The following PDE4D variants were observed in gnomAD, a reference collection of about 807,000 sequenced individuals.
PDE4D encodes the protein 3',5'-cyclic-AMP phosphodiesterase 4D.
In PDE4D, 24 loss-of-function variants were observed where a neutral mutation model predicts 87.4. The ratio of observed to expected loss-of-function variants is 0.27; its 90% CI spans 0.20 to 0.39. The LOEUF is 0.39. Among genes scored for constraint, PDE4D ranks in the 10% least tolerant of loss-of-function variants. The pLI, the probability that PDE4D is intolerant of heterozygous loss-of-function variation, is 1.00. For synonymous variants in PDE4D, 384 were observed against 383.2 expected, an observed-to-expected ratio of 1.00 and a Z score of -0.02; for missense variants, 714 against 1,041.0, an observed-to-expected ratio of 0.69 and a Z score of 4.32.
chr5:59,027,901 G>A (rs184046059), intron 6 of PDE4D, among the ~76,000 whole-genome samples: 9 of 151,728 alleles, frequency 5.9e-5, no homozygotes, highest in East Asian at 1.9e-4. Flanking sequence ...AGACCCTCTC[G>A]GCTGATAGAG....
chr5:59,875,165 CA>C (rs897215395), intron 1 of PDE4D, among the ~76,000 whole-genome samples: 1 of 151,994 alleles, frequency 6.6e-6, no homozygotes, highest in Non-Finnish European at 1.5e-5. Context: ...CAAATGAACA[CA>C]AGAAGGAATC....
At chr5:60,499,881 G>A (rs1749988998) in intron 1 of PDE4D, among the ~76,000 whole-genome samples, 1 of 152,104 alleles carries the variant, frequency 6.6e-6, no homozygotes, top group African/African-American at 2.4e-5. Context: ...TAGCCCTCTT[G>A]GCTTCAGAGG....
chr5:60,229,324 C>T (rs1745532213), intron 1 of PDE4D, among the ~76,000 whole-genome samples: 3 of 152,048 alleles, frequency 2.0e-5, no homozygotes, highest in South Asian at 2.1e-4. Flanking sequence ...CATTTTAAAA[C>T]GACAACCACA....
At chr5:59,073,507 C>CGGGGGGG (rs56301552) in intron 5 of PDE4D, among the ~76,000 whole-genome samples, 5 of 38,146 alleles carry the variant, frequency 1.3e-4, no homozygotes, top group African/African-American at 1.3e-4. Context: ...AAGTGGGGGG[C>CGGGGGGG]GGGGGGGGCG....
chr5:60,079,608 CCCA>C (rs1773708677), intron 2 of PDE4D, among the ~76,000 whole-genome samples: 1 of 152,172 alleles, frequency 6.6e-6, no homozygotes, highest in South Asian at 2.1e-4. Context: ...AGCCAGTTCT[CCCA>C]CCACCATTTA....
chr5:60,250,035 T>C (rs988823156), intron 1 of PDE4D, among the ~76,000 whole-genome samples: 1 of 152,004 alleles, frequency 6.6e-6, no homozygotes, highest in South Asian at 2.1e-4. Context: ...TCAAGGTTTC[T>C]CACAGTGCTT....
chr5:59,833,543 C>G (rs1485149850), intron 1 of PDE4D, among the ~76,000 whole-genome samples: 1 of 151,898 alleles, frequency 6.6e-6, no homozygotes, highest in Admixed American at 6.6e-5. Flanking sequence ...TTCTGAGAAG[C>G]CATTGGGTTT....
intron 1 of PDE4D, among the ~76,000 whole-genome samples, chr5:59,579,379 T>C (rs2153699293): frequency 6.6e-6 from 1 of 152,298 alleles, no homozygotes; most frequent in African/African-American, 2.4e-5. Flanking sequence ...CATTTTTCAG[T>C]AACTCAGAAA....
intron 2 of PDE4D, among the ~76,000 whole-genome samples, chr5:60,084,970 T>C (rs1774377711): frequency 1.3e-5 from 2 of 152,172 alleles, no homozygotes; most frequent in Admixed American, 6.5e-5. Flanking sequence ...TTGTTCAGCG[T>C]CCATGCCTTA....
chr5:59,803,819 G>A (rs1369163396), intron 1 of PDE4D, among the ~76,000 whole-genome samples: 3 of 152,246 alleles, frequency 2.0e-5, no homozygotes, highest in African/African-American at 7.2e-5. Flanking sequence ...CCATTCCACA[G>A]GACAGCAATC....
chr5:59,595,746 T>C (rs1336857851), intron 1 of PDE4D, among the ~76,000 whole-genome samples: 1 of 152,148 alleles, frequency 6.6e-6, no homozygotes, highest in Non-Finnish European at 1.5e-5. Context: ...CCTCTGGATG[T>C]TTCTATTCTT....
chr5:59,303,889 A>C (rs11955452), intron 1 of PDE4D, among the ~76,000 whole-genome samples: 1 of 151,842 alleles, frequency 6.6e-6, no homozygotes, highest in African/African-American at 2.4e-5. Context: ...TTTTGGTTCC[A>C]TCTGAGTTTT....
At position 59,750,496 on chromosome 5, in the gene PDE4D, G is replaced by T. The variant is rs186164925; in HGVS notation, c.455+142672C>A. On this transcript the variant is annotated intron_variant, in intron 1 of 14. Transcript: ENST00000340635. Reference sequence around the variant, plus strand: ...CTTCTGCTGGATAATCATATAGCTCGTTCAGTCATCTCTTTCAGATCTCTG... The same window carrying T: ...CTTCTGCTGGATAATCATATAGCTCTTTCAGTCATCTCTTTCAGATCTCTG... 1.4e-4 allele frequency among the ~76,000 whole-genome samples: 22 copies of T among 152,150 alleles called. No homozygotes were observed. In the East Asian group the frequency reaches 3.1e-3, roughly 21 times the overall value.
chr5:58,981,439 A>AG (rs1745115914), intron 11 of PDE4D, among the ~76,000 whole-genome samples: 2 of 151,112 alleles, frequency 1.3e-5, no homozygotes, highest in East Asian at 3.9e-4. Flanking sequence ...TAAATACTTA[A>AG]ATACTAATAT....
At chr5:59,265,594 A>C (rs528235138) in intron 1 of PDE4D, among the ~76,000 whole-genome samples, 6 of 152,248 alleles carry the variant, frequency 3.9e-5, no homozygotes, top group African/African-American at 1.4e-4. Context: ...GTCACTCACA[A>C]GGAGCCAGCC....
At chr5:59,758,444 C>A (rs1761555494) in intron 1 of PDE4D, among the ~76,000 whole-genome samples, 2 of 152,232 alleles carry the variant, frequency 1.3e-5, no homozygotes, top group South Asian at 4.1e-4. Flanking sequence ...TTTTCAAGAT[C>A]TCCTTTTGAG....
At chr5:60,242,465 C>T (rs1471044154) in intron 1 of PDE4D, among the ~76,000 whole-genome samples, 3 of 152,092 alleles carry the variant, frequency 2.0e-5, no homozygotes. Flanking sequence ...GCACTATAGA[C>T]CAAATGATCC....
In PDE4D at chr5:59,262,428, C is replaced by T. The variant is rs185741790; in HGVS notation, c.456-46460G>A. 2.2e-3 allele frequency among the ~76,000 whole-genome samples: 334 copies of T among 151,872 alleles called. 1 individual carries two copies. Among genetic ancestry groups the T allele is most frequent in the African/African-American group, 7.5e-3 (311 of 41,448 alleles). The stretch of plus-strand genomic sequence containing the variant: ...TACTTCCTCATTATTAAGGATTAAG[C>T]CTTAATTTCCTTCTTTTTTTTTAAG... On this transcript the variant is annotated intron_variant, in intron 1 of 14. Coordinates refer to ENST00000340635, the MANE Select transcript of PDE4D (RefSeq NM_001104631.2).
chr5:59,821,552 A>G (rs61279231), intron 1 of PDE4D, among the ~76,000 whole-genome samples: 2,623 of 152,318 alleles, frequency 0.017, 59 homozygotes, highest in African/African-American at 0.061. Context: ...ATTCTGAAGA[A>G]ATAAACTAAA....
Sources: gnomAD v4.1 joint callset for allele counts (sites outside exome capture counted in the v4.1 genomes callset) on GRCh38, gnomAD v4.1.1 for gene constraint, MANE v1.5 for transcripts, NCBI Gene and HGNC (gene_info 2026-07-23, HGNC 2026-07-21) for gene names.